Variants in HIVEP3 observed in about 807,000 individuals in gnomAD.
HIVEP3 encodes transcription factor HIVEP3.
In HIVEP3, 49 loss-of-function variants were observed where a neutral mutation model predicts 152.8. That is an observed-to-expected ratio of 0.32 (90% CI 0.26 to 0.41). The LOEUF is 0.41. Among genes scored for constraint, HIVEP3 ranks in the 10% least tolerant of loss-of-function variants. The pLI, the probability that HIVEP3 is intolerant of heterozygous loss-of-function variation, is 1.00. For missense variants in HIVEP3, 2,790 were observed against 3,103.3 expected (o/e 0.90, Z 2.40); for synonymous variants, 1,269 against 1,289.0 (o/e 0.98, Z 0.33).
intron 1 of HIVEP3, among the ~76,000 whole-genome samples, chr1:41,983,041 C>A (rs116570551): frequency 0.021 from 3,148 of 152,296 alleles, 66 homozygotes; most frequent in Non-Finnish European, 0.025. Context: ...AAGGAGTGTG[C>A]AACCTAGATC....
chr1:41,768,045 T>C (rs1439345376), intron 1 of HIVEP3, among the ~76,000 whole-genome samples: 1 of 152,210 alleles, frequency 6.6e-6, no homozygotes, highest in Non-Finnish European at 1.5e-5. Context: ...GCCAAAACAC[T>C]AAAAGCACTG....
At chr1:42,010,328 G>C (rs1408354793) in intron 1 of HIVEP3, among the ~76,000 whole-genome samples, 1 of 152,100 alleles carries the variant, frequency 6.6e-6, no homozygotes, top group East Asian at 1.9e-4. Context: ...TTATGTTGTT[G>C]ATCTCCCTCA....
At chr1:41,959,617 T>C (rs1645158692) in intron 1 of HIVEP3, among the ~76,000 whole-genome samples, 1 of 152,150 alleles carries the variant, frequency 6.6e-6, no homozygotes, top group Non-Finnish European at 1.5e-5. Flanking sequence ...CTTCGGGAAG[T>C]AGCATATACT....
chr1:42,009,968 T>C (rs568714089), intron 1 of HIVEP3, among the ~76,000 whole-genome samples: 1 of 152,354 alleles, frequency 6.6e-6, no homozygotes, highest in South Asian at 2.1e-4. Context: ...TCTTACCTGT[T>C]GCCCAGGCTG....
At chr1:41,613,426 A>G (rs1037058401) in intron 3 of HIVEP3, among the ~76,000 whole-genome samples, 8 of 152,212 alleles carry the variant, frequency 5.3e-5, no homozygotes, top group Non-Finnish European at 1.2e-4. Flanking sequence ...TTTGGAGAGC[A>G]GGGGCTGTAT....
intron 1 of HIVEP3, among the ~76,000 whole-genome samples, chr1:41,772,262 T>C (rs1483080374): frequency 2.0e-5 from 3 of 152,190 alleles, no homozygotes; most frequent in Non-Finnish European, 4.4e-5. Flanking sequence ...TTCCATCTTC[T>C]AATCATGTGG....
chr1:41,662,636 G>A lies in HIVEP3; in HGVS notation c.-720-33689C>T, dbSNP rs1380327699. 1.3e-5 allele frequency among the ~76,000 whole-genome samples: 2 copies of A among 151,112 alleles called. No homozygotes were observed. Among genetic ancestry groups the A allele is most frequent in the Non-Finnish European group, 3.0e-5 (2 of 67,510 alleles). Reference sequence around the variant, plus strand: ...CTCGCCCGGGGAATCCCTGGCTGCCGGCGGCCGCGGGGAGGGTCTGCGCGC... The same window carrying A: ...CTCGCCCGGGGAATCCCTGGCTGCCAGCGGCCGCGGGGAGGGTCTGCGCGC... On this transcript the variant is annotated intron_variant, in intron 2 of 8. Transcript: ENST00000372583. The surrounding 1 kb of genome is among the most constrained non-coding windows in gnomAD (Gnocchi z 7.2).
chr1:41,581,649 G>A lies in HIVEP3; in HGVS notation c.3149C>T (p.Ser1050Phe). ...RRKCFLVRQA[S>F]LSRPPESELE... ...CTCAGATTCTGGAGGCCTGCTCAGA[G>A]AGGCCTGTCTCACCAAGAAGCATTT... The change falls in exon 4 of 9, where the codon TCT becomes TTT. Residue 1050 changes from serine (S) to phenylalanine (F), a missense_variant. This residue lies in a region of HIVEP3 where 1,078 missense variants were observed against 1,165.3 expected (regional missense o/e 0.93). Transcript: ENST00000372583. The surrounding 1 kb of genome is among the most constrained non-coding windows in gnomAD (Gnocchi z 4.5). 1.2e-6 allele frequency: 2 copies of A among 1,614,206 alleles called. No homozygotes were observed. The highest frequency in any genetic ancestry group is 1.7e-6 in the Non-Finnish European group (2 of 1,180,032).
chr1:41,987,478 G>C (rs1198630317), intron 1 of HIVEP3, among the ~76,000 whole-genome samples: 1 of 152,118 alleles, frequency 6.6e-6, no homozygotes, highest in Non-Finnish European at 1.5e-5. Context: ...TGAGCAAACA[G>C]AACAAAGCTG....
intron 1 of HIVEP3, among the ~76,000 whole-genome samples, chr1:41,917,977 GC>G (rs1644897192): frequency 6.6e-6 from 1 of 152,228 alleles, no homozygotes; most frequent in African/African-American, 2.4e-5. Context: ...AAACGCCGGT[GC>G]CACGGAACGC....
chr1:41,920,253 C>T (rs1012737928), upstream of HIVEP3, among the ~76,000 whole-genome samples: 9 of 152,198 alleles, frequency 5.9e-5, no homozygotes, highest in Non-Finnish European at 1.0e-4. Flanking sequence ...AGCCACACAG[C>T]GTGGAGCTGG....
intron 3 of HIVEP3, among the ~76,000 whole-genome samples, chr1:41,616,094 C>G (rs1644964574): frequency 6.6e-6 from 1 of 152,086 alleles, no homozygotes. Context: ...ACCTCTCCCT[C>G]CACTCCCAAA....
intron 1 of HIVEP3, among the ~76,000 whole-genome samples, chr1:41,820,479 GAA>G (rs1340450249): frequency 3.9e-5 from 6 of 152,252 alleles, no homozygotes; most frequent in African/African-American, 1.2e-4. Flanking sequence ...TTTTAACTCT[GAA>G]AAGAGTCCTC....
At chr1:41,692,433 G>A (rs968998811) in intron 2 of HIVEP3, among the ~76,000 whole-genome samples, 3 of 152,182 alleles carry the variant, frequency 2.0e-5, no homozygotes, top group African/African-American at 7.2e-5. Flanking sequence ...GAGTTATAGC[G>A]CCACTGGCCC....
chr1:41,834,041 A>T (rs1365811078), intron 1 of HIVEP3, among the ~76,000 whole-genome samples: 1 of 152,158 alleles, frequency 6.6e-6, no homozygotes, highest in African/African-American at 2.4e-5. Flanking sequence ...AGGAATCCCC[A>T]GCATGGTCAC....
chr1:41,545,279 T>C (rs200152128), intron 5 of HIVEP3, among the ~76,000 whole-genome samples: 562 of 40,954 alleles, frequency 0.014, no homozygotes, highest in East Asian at 0.049. Flanking sequence ...CCACCATCAC[T>C]ACCACCACCA....
chr1:41,946,692 G>A (rs929221545), intron 1 of HIVEP3, among the ~76,000 whole-genome samples: 1 of 152,062 alleles, frequency 6.6e-6, no homozygotes, highest in Non-Finnish European at 1.5e-5. Context: ...TGAAGTCTGG[G>A]CAATAGAAGG....
At chr1:41,739,697 G>C (rs975377368) in intron 1 of HIVEP3, among the ~76,000 whole-genome samples, 1 of 152,212 alleles carries the variant, frequency 6.6e-6, no homozygotes, top group African/African-American at 2.4e-5. Context: ...CAGACTCCCA[G>C]TATCATCTTG....
At chr1:41,544,625 C>T (rs1357995101) in intron 5 of HIVEP3, among the ~76,000 whole-genome samples, 1 of 148,410 alleles carries the variant, frequency 6.7e-6, no homozygotes, top group Non-Finnish European at 1.5e-5. Flanking sequence ...CCACCACTAT[C>T]ATCGCTACTA....
Sources: allele counts gnomAD v4.1 joint callset (sites outside exome capture counted in the v4.1 genomes callset), GRCh38; gene constraint gnomAD v4.1.1; regional missense constraint gnomAD v4.1.1; non-coding constraint Gnocchi (gnomAD v3.1); transcripts MANE v1.5; gene names NCBI Gene and HGNC (gene_info 2026-07-23, HGNC 2026-07-21).